Variants in ATF6 observed in about 807,000 individuals in gnomAD.
ATF6 encodes the protein activating transcription factor 6, also known as cyclic AMP-dependent transcription factor ATF-6 alpha.
Under a neutral mutation model 83.6 loss-of-function variants are expected in ATF6, and 53 were observed. That is an observed-to-expected ratio of 0.63 (90% CI 0.51 to 0.80). ATF6 has a LOEUF of 0.80. ATF6 is among the 30% of genes least tolerant of loss of function. ATF6 has a pLI of 0.00. For missense variants in ATF6, 744 were observed against 797.9 expected (o/e 0.93, Z 0.81); for synonymous variants, 288 against 285.8 (o/e 1.01, Z -0.08).
At chr1:161,857,679 G>A (rs952012928) in intron 12 of ATF6, among the ~76,000 whole-genome samples, 4 of 151,994 alleles carry the variant, frequency 2.6e-5, no homozygotes, top group Non-Finnish European at 4.4e-5. Context: ...TTTTTAAAAA[G>A]AAACTATATT....
chr1:161,932,421 T>C (rs1287554483), intron 15 of ATF6, among the ~76,000 whole-genome samples: 3 of 152,190 alleles, frequency 2.0e-5, no homozygotes, highest in Non-Finnish European at 4.4e-5. Context: ...TATAGCCTTT[T>C]GATTTTTTGA....
rs1410097008 is a variant in ATF6 at position 161,834,464 on chromosome 1, T to C, written c.1188-11985T>C. Among the ~76,000 whole-genome samples, 3 of 151,926 alleles carry C rather than the reference T, an allele frequency of 2.0e-5. No individual in the cohort carries two copies. In the East Asian group the frequency reaches 5.8e-4, roughly 29 times the overall value. On this transcript the variant is annotated intron_variant, in intron 9 of 15. Transcript: ENST00000367942. ...TGCAGCCATAAAAAAGATGAATTCA[T>C]GTCCTTTGTAGGGACATGGATGAAA...
intron 7 of ATF6, among the ~76,000 whole-genome samples, chr1:161,817,604 A>G (rs1685644342): frequency 6.6e-6 from 1 of 152,082 alleles, no homozygotes; most frequent in South Asian, 2.1e-4. Flanking sequence ...TTTACAGATG[A>G]TGGTTTCACA....
At chr1:161,776,674 G>A (rs1282259030) in intron 1 of ATF6, among the ~76,000 whole-genome samples, 1 of 152,146 alleles carries the variant, frequency 6.6e-6, no homozygotes, top group Non-Finnish European at 1.5e-5. Flanking sequence ...ACTGAGATGA[G>A]GACAAAGCAG....
rs1553229005 is a variant in ATF6 at position 161,791,108 on chromosome 1, G to GTGTC, written c.355-297_355-296insCTGT. Among the ~76,000 whole-genome samples the GTGTC allele has an allele frequency of 6.9e-5, 10 of 144,186 alleles. No homozygotes were observed. The East Asian group carries it at 8.0e-4, about 11-fold the overall frequency. The allele number at this position is 144,186 out of a possible 152,430, so 94.6% of individuals were successfully genotyped here. A position where few individuals can be genotyped will look rare whatever the true frequency, so the allele number is the denominator to read the frequency against. On this transcript the variant is annotated intron_variant, in intron 4 of 15. Transcript: ENST00000367942. ...TCTCTGTGTGTGTGTGTGTGTCTCT[G>GTGTC]TGTGTGTGTGTGTGTGTGTGTGTGT... is the stretch of plus-strand genomic sequence containing the variant.
chr1:161,940,631 T>C (rs1688623417), intron 15 of ATF6, among the ~76,000 whole-genome samples: 1 of 147,978 alleles, frequency 6.8e-6, no homozygotes, highest in Non-Finnish European at 1.5e-5. Flanking sequence ...CAATCTTGGC[T>C]CACTGCAACC....
chr1:161,839,352 G>C (rs1686300817), intron 9 of ATF6, among the ~76,000 whole-genome samples: 1 of 152,016 alleles, frequency 6.6e-6, no homozygotes, highest in Non-Finnish European at 1.5e-5. Flanking sequence ...TGGGACTGTA[G>C]TTTTATTTAC....
At chr1:161,809,651 G>A (rs1685403843) in intron 7 of ATF6, among the ~76,000 whole-genome samples, 1 of 152,224 alleles carries the variant, frequency 6.6e-6, no homozygotes. Context: ...CTAGTTTACA[G>A]TCCTACTAAC....
intron 15 of ATF6, among the ~76,000 whole-genome samples, chr1:161,949,916 C>T (rs1018248785): frequency 3.3e-5 from 5 of 152,084 alleles, no homozygotes; most frequent in African/African-American, 1.2e-4. Flanking sequence ...AGAGACACTC[C>T]CTCCTATGAA....
chr1:161,820,785 T>A (rs1438045158), intron 8 of ATF6, among the ~76,000 whole-genome samples: 1 of 152,074 alleles, frequency 6.6e-6, no homozygotes, highest in Non-Finnish European at 1.5e-5. Context: ...AATTCTTTCC[T>A]CTTGGGTGAA....
At chr1:161,889,261 G>T (rs558302630) in intron 14 of ATF6, among the ~76,000 whole-genome samples, 12 of 152,312 alleles carry the variant, frequency 7.9e-5, no homozygotes, top group Admixed American at 1.3e-4. Flanking sequence ...CTGCCAGACA[G>T]CCTTCTTCAG....
intron 1 of ATF6, among the ~76,000 whole-genome samples, chr1:161,770,359 A>G (rs1001388991): frequency 6.6e-6 from 1 of 152,224 alleles, no homozygotes; most frequent in African/African-American, 2.4e-5. Context: ...AGGCTGCCAT[A>G]AGACAACACC....
intron 15 of ATF6, among the ~76,000 whole-genome samples, chr1:161,943,486 T>A (rs1196281556): frequency 6.6e-6 from 1 of 152,186 alleles, no homozygotes; most frequent in Admixed American, 6.5e-5. Context: ...GAGAACGGAC[T>A]AATACAACCT....
chr1:161,948,672 A>G (rs919566339), intron 15 of ATF6, among the ~76,000 whole-genome samples: 13 of 152,342 alleles, frequency 8.5e-5, no homozygotes, highest in African/African-American at 1.7e-4. Flanking sequence ...CAGATTCTCA[A>G]CATATATTTG....
chr1:161,855,364 G>T (rs1236742054), intron 12 of ATF6, among the ~76,000 whole-genome samples: 1 of 152,128 alleles, frequency 6.6e-6, no homozygotes, highest in South Asian at 2.1e-4. Flanking sequence ...CTATGCTTAG[G>T]TACTGGATGA....
chr1:161,794,430 A>G (rs1302337263), intron 6 of ATF6, among the ~76,000 whole-genome samples: 2 of 151,400 alleles, frequency 1.3e-5, no homozygotes, highest in Non-Finnish European at 3.0e-5. Flanking sequence ...GGAATGTAAA[A>G]CTCTTCACAA....
chr1:161,902,174 A>G (rs1687799878), intron 14 of ATF6, among the ~76,000 whole-genome samples: 1 of 152,212 alleles, frequency 6.6e-6, no homozygotes, highest in African/African-American at 2.4e-5. Flanking sequence ...TTGCCTGAAT[A>G]ACAATAATTC....
At chr1:161,913,429 T>A (rs975727476) in intron 15 of ATF6, among the ~76,000 whole-genome samples, 2 of 152,216 alleles carry the variant, frequency 1.3e-5, no homozygotes, top group Admixed American at 1.3e-4. Context: ...GTATTCATCA[T>A]ACATTTTAAG....
At chr1:161,826,931 ATTTTT>A (rs11376981) in intron 9 of ATF6, among the ~76,000 whole-genome samples, 6 of 129,612 alleles carry the variant, frequency 4.6e-5, no homozygotes, top group Admixed American at 1.7e-4. Context: ...GATTGGCCCC[ATTTTT>A]TTTTTTTTTT....
Sources: allele counts gnomAD v4.1 joint callset (sites outside exome capture counted in the v4.1 genomes callset), GRCh38; gene constraint gnomAD v4.1.1; transcripts MANE v1.5; gene names NCBI Gene and HGNC (gene_info 2026-07-23, HGNC 2026-07-21).